The following CIB1 variants were observed in gnomAD, a reference collection of about 807,000 sequenced individuals.
CIB1 encodes calcium and integrin binding 1, also known as calcium and integrin-binding protein 1.
CIB1 carries 19 observed loss-of-function variants against 25.0 expected under a neutral mutation model. That is an observed-to-expected ratio of 0.76 (90% CI 0.53 to 1.12). The LOEUF (loss-of-function observed/expected upper bound fraction) is 1.12. Among genes scored for constraint, CIB1 ranks in the 50% most tolerant of loss-of-function variants. CIB1 has a pLI of 0.00. For synonymous variants in CIB1, 104 were observed against 98.5 expected, an observed-to-expected ratio of 1.06 and a Z score of -0.33; for missense variants, 236 against 242.6, an observed-to-expected ratio of 0.97 and a Z score of 0.18.
intron 3 of CIB1, 116 bp from the exon 4 acceptor site, chr15:90,231,623 G>T: frequency 8.2e-7 from 1 of 1,226,594 alleles, no homozygotes; most frequent in South Asian, 1.5e-5. Context: ...TCGTGGGGGT[G>T]AACAGTCAGT....
chr15:90,253,582 C>T, the CIB1 span, among the ~76,000 whole-genome samples: 1 of 152,164 alleles, frequency 6.6e-6, no homozygotes, highest in Admixed American at 6.6e-5. Flanking sequence ...CTGGTGGGCA[C>T]ATCCTATCTC....
chr15:90,244,987 G>A, the CIB1 span: 1 of 152,284 alleles, frequency 6.6e-6, no homozygotes, highest in Non-Finnish European at 1.5e-5. Flanking sequence ...GGCTCACCCA[G>A]GAGGGGTTTT....
At chr15:90,257,723 G>T in the CIB1 span, 1 of 1,613,768 alleles carries the variant, frequency 6.2e-7, no homozygotes, top group Non-Finnish European at 8.5e-7. Flanking sequence ...GCAGTAAGAG[G>T]TACTCCCTAC....
chr15:90,251,114 C>CTTTTTTTTTTTTTTTTTTTTTTT, the CIB1 span, among the ~76,000 whole-genome samples: 1 of 104,666 alleles, frequency 9.6e-6, no homozygotes, highest in Middle Eastern at 5.2e-3. Context: ...CCTGGTCTGT[C>CTTTTTTTTTTTTTTTTTTTTTTT]TTTTTTTTTT....
At chr15:90,263,580 A>G in the CIB1 span, 71 of 569,790 alleles carry the variant, frequency 1.2e-4, no homozygotes, top group South Asian at 1.6e-3. Context: ...CTGGGCTGGT[A>G]GCAAACCTGT....
the CIB1 span, chr15:90,243,079 G>C: frequency 6.6e-6 from 1 of 152,310 alleles, no homozygotes; most frequent in South Asian, 2.1e-4. Flanking sequence ...TTTACATTTA[G>C]ATTTTGTCTT....
upstream of CIB1, chr15:90,234,153 C>T (rs575300086): frequency 6.3e-5 from 16 of 255,398 alleles, no homozygotes; most frequent in East Asian, 8.3e-4. Flanking sequence ...CTCACGGCCC[C>T]GCCTCCGGGG....
At chr15:90,262,180 G>A in the CIB1 span, 10 of 1,532,996 alleles carry the variant, frequency 6.5e-6, no homozygotes, top group South Asian at 8.4e-5. Flanking sequence ...AGGCCAGAGA[G>A]GAGTGTGCCA....
chr15:90,247,273 T>G, the CIB1 span, among the ~76,000 whole-genome samples: 1 of 147,822 alleles, frequency 6.8e-6, no homozygotes, highest in African/African-American at 2.6e-5. Flanking sequence ...CACACTGGCC[T>G]TTTTTTTCTT....
chr15:90,253,354 T>C, the CIB1 span: 1 of 1,612,528 alleles, frequency 6.2e-7, no homozygotes, highest in Non-Finnish European at 8.5e-7. Context: ...GTCATGGACA[T>C]GAAGAGGTTT....
chr15:90,234,889 A>G (rs1443207468), upstream of CIB1, among the ~76,000 whole-genome samples: 1 of 152,226 alleles, frequency 6.6e-6, no homozygotes, highest in Non-Finnish European at 1.5e-5. Flanking sequence ...ATACTATTGC[A>G]AAAGGTAAGG....
the CIB1 span, chr15:90,257,868 G>A: frequency 1.1e-6 from 1 of 937,994 alleles, no homozygotes; most frequent in African/African-American, 1.6e-5. Context: ...GCACTTTGGA[G>A]CTCTAAGTGC....
At chr15:90,230,625 C>T (rs1962454374) in intron 6 of CIB1, 120 bp from the exon 7 acceptor site, 6 of 1,099,968 alleles carry the variant, frequency 5.5e-6, no homozygotes, top group Non-Finnish European at 8.1e-6. Context: ...GTGTGTCAGC[C>T]CCCTCTGCAA....
chr15:90,241,365 A>G, the CIB1 span: 1 of 1,614,162 alleles, frequency 6.2e-7, no homozygotes, highest in Non-Finnish European at 8.5e-7. Context: ...GCAAGAAGAC[A>G]TCCTGGTGGT....
chr15:90,250,945 C>T, the CIB1 span: 2 of 1,574,784 alleles, frequency 1.3e-6, no homozygotes, highest in Non-Finnish European at 8.6e-7. Context: ...CCATTGGCCT[C>T]CCTTCAACAT....
chr15:90,241,670 C>G, the CIB1 span: 1 of 1,614,220 alleles, frequency 6.2e-7, no homozygotes, highest in Non-Finnish European at 8.5e-7. Context: ...CAGCTCCTGG[C>G]TTCCTCTTTT....
At chr15:90,243,119 A>G in the CIB1 span, 24,829 of 152,116 alleles carry the variant, frequency 0.16, 2,196 homozygotes, top group African/African-American at 0.22. Flanking sequence ...GCACGGTAAT[A>G]GTGCCTGTGC....
At chr15:90,241,371 G>A in the CIB1 span, 8 of 1,614,018 alleles carry the variant, frequency 5.0e-6, no homozygotes, top group Non-Finnish European at 6.8e-6. Context: ...AGACATCCTG[G>A]TGGTGATCAA....
chr15:90,233,627 G>C (rs1422731641), intron 2 of CIB1, 42 bp downstream of exon 2: 1 of 1,558,934 alleles, frequency 6.4e-7, no homozygotes, highest in East Asian at 2.4e-5. Context: ...GCTGTCTCTA[G>C]AGGATCCCGG....
Sources: gnomAD v4.1 joint callset for allele counts (sites outside exome capture counted in the v4.1 genomes callset) on GRCh38, gnomAD v4.1.1 for gene constraint, MANE v1.5 for transcripts, NCBI Gene and HGNC (gene_info 2026-07-23, HGNC 2026-07-21) for gene names.